GPHN: variants seen among roughly 807,000 people sequenced by gnomAD.
The protein encoded by GPHN is gephyrin.
GPHN carries 17 observed loss-of-function variants against 95.5 expected under a neutral mutation model. That is an observed-to-expected ratio of 0.18 (90% CI 0.12 to 0.27). The LOEUF (loss-of-function observed/expected upper bound fraction) is 0.27. GPHN is among the 10% of genes least tolerant of loss of function. The pLI is 1.00. For missense variants in GPHN, 660 were observed against 978.1 expected, an observed-to-expected ratio of 0.67 and a Z score of 4.34; for synonymous variants, 320 against 322.5, an observed-to-expected ratio of 0.99 and a Z score of 0.08.
At chr14:66,571,098 G>T (rs901013526) in intron 1 of GPHN, among the ~76,000 whole-genome samples, 1 of 152,204 alleles carries the variant, frequency 6.6e-6, no homozygotes, top group African/African-American at 2.4e-5. Context: ...ATAAAGGAAA[G>T]AGGTTTAATT....
chr14:67,105,819 A>G (rs1267571966), intron 13 of GPHN, among the ~76,000 whole-genome samples: 2 of 151,724 alleles, frequency 1.3e-5, no homozygotes, highest in Non-Finnish European at 2.9e-5. Context: ...AATTTAATCT[A>G]TTTACATTTA....
At chr14:66,670,929 A>C (rs1414040091) in intron 1 of GPHN, among the ~76,000 whole-genome samples, 3 of 152,246 alleles carry the variant, frequency 2.0e-5, no homozygotes, top group Admixed American at 6.5e-5. Context: ...TGATTTATGA[A>C]ATCAAAATTT....
chr14:67,402,693 C>A, the GPHN span, among the ~76,000 whole-genome samples: 2 of 152,154 alleles, frequency 1.3e-5, no homozygotes, highest in African/African-American at 4.8e-5. Flanking sequence ...TCTCTCTGTG[C>A]CTGGCTTATT....
chr14:67,705,208 T>C, the GPHN span, among the ~76,000 whole-genome samples: 1 of 152,252 alleles, frequency 6.6e-6, no homozygotes, highest in African/African-American at 2.4e-5. Context: ...AGACTCTTCA[T>C]ACTGGAGTTG....
intron 1 of GPHN, among the ~76,000 whole-genome samples, chr14:66,588,721 T>C (rs538668616): frequency 1.3e-5 from 2 of 152,006 alleles, no homozygotes; most frequent in East Asian, 3.9e-4. Context: ...CTCCAAGAAA[T>C]ATGGGACTAT....
chr14:67,473,946 G>C, the GPHN span: 8 of 1,581,482 alleles, frequency 5.1e-6, no homozygotes, highest in South Asian at 2.3e-5. This position sits in a 1 kb window ranked among gnomAD's most constrained non-coding sequence, Gnocchi z 6.5. Flanking sequence ...GGCTGGCTGC[G>C]GGGGGCGCAA....
At chr14:67,345,621 A>C in the GPHN span, 2 of 559,516 alleles carry the variant, frequency 3.6e-6, no homozygotes, top group Admixed American at 3.4e-5. Flanking sequence ...TCACTTCAGA[A>C]ATCAAAATAT....
intron 5 of GPHN, among the ~76,000 whole-genome samples, chr14:66,902,021 T>C (rs2065149008): frequency 6.6e-6 from 1 of 151,170 alleles, no homozygotes; most frequent in Admixed American, 6.6e-5. Context: ...TATATTTCCA[T>C]TTTTTTATGT....
the GPHN span, among the ~76,000 whole-genome samples, chr14:67,645,325 C>A: frequency 6.6e-6 from 1 of 152,098 alleles, no homozygotes; most frequent in Non-Finnish European, 1.5e-5. Flanking sequence ...AACTTGATTT[C>A]ATTCATTGAA....
chr14:67,563,003 TGGTGGC>T, the GPHN span: 1 of 1,142,210 alleles, frequency 8.8e-7, no homozygotes, highest in Non-Finnish European at 1.2e-6. Context: ...GGCATCCTCA[TGGTGGC>T]CCTGGCAGGC....
the GPHN span, among the ~76,000 whole-genome samples, chr14:67,191,507 C>G: frequency 8.5e-5 from 13 of 152,200 alleles, no homozygotes; most frequent in Non-Finnish European, 1.6e-4. Context: ...TTCCCACTCT[C>G]TCCCCTTCCC....
chr14:67,724,429 T>A, the GPHN span: 3 of 1,199,708 alleles, frequency 2.5e-6, no homozygotes, highest in Non-Finnish European at 3.7e-6. Context: ...TAGTGTGAGC[T>A]CGTGAAGGAT....
intron 4 of GPHN, among the ~76,000 whole-genome samples, chr14:66,871,429 A>C (rs1168379527): frequency 6.6e-6 from 1 of 152,206 alleles, no homozygotes; most frequent in Non-Finnish European, 1.5e-5. Flanking sequence ...TATTAACACT[A>C]TCCAAGAAGT....
At chr14:67,034,199 G>C (rs1317774584) in intron 10 of GPHN, among the ~76,000 whole-genome samples, 1 of 152,102 alleles carries the variant, frequency 6.6e-6, no homozygotes, top group Non-Finnish European at 1.5e-5. Context: ...TATAATGGTG[G>C]CATGTAAATC....
intron 1 of GPHN, among the ~76,000 whole-genome samples, chr14:66,672,165 T>G (rs74057239): frequency 2.0e-5 from 3 of 152,082 alleles, no homozygotes; most frequent in Non-Finnish European, 4.4e-5. Context: ...AATAAAAATA[T>G]TTCTAAATAT....
the GPHN span, chr14:67,364,647 CTA>C: frequency 9.8e-7 from 1 of 1,023,084 alleles, no homozygotes; most frequent in Non-Finnish European, 1.4e-6. Context: ...GATGAGAAGA[CTA>C]AGACTAATAA....
the GPHN span, among the ~76,000 whole-genome samples, chr14:67,680,704 C>T: frequency 1.3e-5 from 2 of 152,130 alleles, no homozygotes; most frequent in East Asian, 3.9e-4. Context: ...AGTAGTTTGC[C>T]CACCTCAGCC....
chr14:67,084,588 C>G (rs988648306), intron 11 of GPHN, among the ~76,000 whole-genome samples: 1 of 152,170 alleles, frequency 6.6e-6, no homozygotes, highest in African/African-American at 2.4e-5. Context: ...TTCTCTTTCT[C>G]TCATGCACTG....
At chr14:67,346,752 A>G in the GPHN span, among the ~76,000 whole-genome samples, 1 of 152,246 alleles carries the variant, frequency 6.6e-6, no homozygotes, top group Non-Finnish European at 1.5e-5. Context: ...ATCAGCATTC[A>G]GGTTGCATCA....
Sources: gnomAD v4.1 joint callset for allele counts (sites outside exome capture counted in the v4.1 genomes callset) on GRCh38, gnomAD v4.1.1 for gene constraint, Gnocchi (gnomAD v3.1) non-coding constraint, MANE v1.5 for transcripts, NCBI Gene and HGNC (gene_info 2026-07-23, HGNC 2026-07-21) for gene names.